DNAH8: variants seen among roughly 807,000 people sequenced by gnomAD.
DNAH8 encodes axonemal beta dynein heavy chain 8.
Under a neutral mutation model 562.1 loss-of-function variants are expected in DNAH8, and 382 were observed. The observed-to-expected ratio is 0.68, with a 90% CI of 0.63 to 0.74. The LOEUF is 0.74. Among genes scored for constraint, DNAH8 ranks in the 30% least tolerant of loss-of-function variants. The probability of loss-of-function intolerance (pLI) is 0.00; values close to 1 mark genes in which losing one functional copy is unlikely to be tolerated. For synonymous variants in DNAH8, 1,881 were observed against 1,919.4 expected (o/e 0.98, Z 0.52); for missense variants, 5,203 against 5,620.4 (o/e 0.93, Z 2.37).
At chr6:38,918,279 T>C in intron 70 of DNAH8, 139 bp downstream of exon 70, 1 of 592,978 alleles carries the variant, frequency 1.7e-6, no homozygotes, top group Non-Finnish European at 2.9e-6. Flanking sequence ...TTTTTCTCTA[T>C]GTCCTCTCAA....
In DNAH8 at chr6:38,949,521, G is replaced by A. The variant is rs778557111; in HGVS notation, c.12199G>A (p.Asp4067Asn). 23 of 1,613,286 alleles carry A rather than the reference G, an allele frequency of 1.4e-5. No individual in the cohort carries two copies. Among genetic ancestry groups the A allele is most frequent in the Non-Finnish European group, 1.9e-5 (22 of 1,179,344 alleles). The change falls in exon 81 of 93, where the codon GAT becomes AAT. Residue 4067 changes from aspartate (D) to asparagine (N), a missense_variant. Asp to Asn is a conservative substitution (Grantham distance 23). Around this residue, in one of 6 missense-constraint regions of DNAH8, gnomAD observed 1,399 missense variants for 1,518.4 expected, o/e 0.92. Coordinates refer to ENST00000327475, the MANE Select transcript of DNAH8 (RefSeq NM_001206927.2). The part of the protein sequence containing the change: ...KDAPEEEIIP[D>N]GYNDSLDTCH... ...TGCTCCAGAGGAGGAAATTATCCCT[G>A]ATGGATATAATGATTCACTAGATAC...
At chr6:38,740,492 A>T (rs1368156235) in intron 7 of DNAH8, among the ~76,000 whole-genome samples, 1 of 152,180 alleles carries the variant, frequency 6.6e-6, no homozygotes, top group African/African-American at 2.4e-5. Context: ...TGGAAATTAA[A>T]TTTTCAGATT....
intron 67 of DNAH8, among the ~76,000 whole-genome samples, chr6:38,914,282 A>G (rs1781123300): frequency 6.8e-6 from 1 of 147,878 alleles, no homozygotes; most frequent in South Asian, 2.2e-4. Flanking sequence ...GGTTTCTGGG[A>G]TGGCCCAAAT....
At chr6:38,916,664 C>T (rs139198679) in intron 68 of DNAH8, among the ~76,000 whole-genome samples, 2 of 152,222 alleles carry the variant, frequency 1.3e-5, no homozygotes, top group East Asian at 1.9e-4. Flanking sequence ...ATCACCGAAC[C>T]GAAGGAGTCT....
chr6:38,937,021 A>AT (rs1438767880), intron 77 of DNAH8, among the ~76,000 whole-genome samples: 1 of 152,170 alleles, frequency 6.6e-6, no homozygotes. Context: ...AAAAACAATA[A>AT]TAAAAAAAAA....
chr6:38,928,712 C>T (rs1354759334), intron 74 of DNAH8, among the ~76,000 whole-genome samples: 3 of 152,056 alleles, frequency 2.0e-5, no homozygotes, highest in African/African-American at 7.2e-5. Context: ...GGTCTGCACC[C>T]ACAATAGCCT....
chr6:38,831,805 A>G (rs1012380689), intron 30 of DNAH8, among the ~76,000 whole-genome samples: 7 of 152,238 alleles, frequency 4.6e-5, no homozygotes, highest in Non-Finnish European at 7.3e-5. Flanking sequence ...AAGAGTTAAC[A>G]TATATAAAGA....
chr6:39,013,226 A>G (rs989451566), intron 91 of DNAH8, among the ~76,000 whole-genome samples: 4 of 152,242 alleles, frequency 2.6e-5, no homozygotes, highest in Non-Finnish European at 4.4e-5. Context: ...GTTCAGAAAC[A>G]TGACACATTT....
rs1487015343 is a variant in DNAH8, at chr6:38,954,531, C to T, written c.12451+3011C>T. Among the ~76,000 whole-genome samples the T allele has an allele frequency of 1.1e-3, 7 of 6,294 alleles. 3 individuals are homozygous for T. Among genetic ancestry groups the T allele is most frequent in the African/African-American group, 5.6e-3 (4 of 712 alleles). 4.1% of individuals were successfully genotyped at this position (6,294 alleles called of 152,430 possible). A position where few individuals can be genotyped will look rare whatever the true frequency, so the allele number is the denominator to read the frequency against. ...CATCCTGGCTAACACGGTGAAACCC[C>T]GTCTCTACTAAAAATACAAAAATTA... On this transcript the variant is annotated intron_variant, in intron 82 of 92. Transcript: ENST00000327475.
intron 40 of DNAH8, 74 bp from the exon 41 acceptor site, chr6:38,853,111 AT>A: frequency 1.7e-6 from 2 of 1,147,566 alleles, no homozygotes; most frequent in South Asian, 3.0e-5. Context: ...ACTATGATTT[AT>A]TAAGTGTGCA....
chr6:38,844,329 T>C (rs2150375226), intron 35 of DNAH8, among the ~76,000 whole-genome samples: 1 of 152,298 alleles, frequency 6.6e-6, no homozygotes, highest in South Asian at 2.1e-4. Context: ...GCTTTTTTAC[T>C]TACTTTAAAA....
chr6:38,796,664 T>C (rs1404534332), intron 21 of DNAH8, among the ~76,000 whole-genome samples: 3 of 152,162 alleles, frequency 2.0e-5, no homozygotes, highest in Non-Finnish European at 4.4e-5. Context: ...TTCGTTCTGA[T>C]TACCGGTGCA....
intron 49 of DNAH8, 119 bp from the exon 50 acceptor site, chr6:38,872,417 T>C (rs1777539396): frequency 1.8e-6 from 2 of 1,108,606 alleles, no homozygotes; most frequent in Admixed American, 2.5e-5. Context: ...AACTTAAAAA[T>C]AGTGAACTAG....
chr6:38,750,562 G>A lies in DNAH8; in HGVS notation c.1380G>A (p.Val460=), dbSNP rs1562645732. The A allele has an allele frequency of 5.6e-6, 9 of 1,609,344 alleles. No homozygotes were observed. Among genetic ancestry groups the A allele is most frequent in the East Asian group, 2.2e-5 (1 of 44,752 alleles). The part of the protein sequence containing the change: ...NVRYLYTLEK[V]CQPLYNHDLV... Reference sequence around the variant, plus strand: ...GATATTTGTATACTTTGGAAAAAGTGTGTCAACCTCTCTATAACCATGACC... The same window carrying A: ...GATATTTGTATACTTTGGAAAAAGTATGTCAACCTCTCTATAACCATGACC... The change falls in exon 9 of 93, where the codon GTG becomes GTA. Residue 460 remains valine, a synonymous_variant. Coordinates refer to ENST00000327475, the MANE Select transcript of DNAH8 (RefSeq NM_001206927.2).
intron 53 of DNAH8, among the ~76,000 whole-genome samples, chr6:38,879,714 G>A (rs1368202489): frequency 7.0e-6 from 1 of 142,366 alleles, no homozygotes; most frequent in Admixed American, 7.1e-5. Flanking sequence ...AGAGGTTCTA[G>A]CCAGTGCAGT....
intron 5 of DNAH8, among the ~76,000 whole-genome samples, chr6:38,736,062 C>T (rs544628178): frequency 9.2e-5 from 14 of 152,100 alleles, no homozygotes; most frequent in African/African-American, 3.4e-4. Flanking sequence ...TGCTTGAGTC[C>T]CCAAGGCAGA....
chr6:38,742,074 G>A lies in DNAH8; in HGVS notation c.1293+187G>A, dbSNP rs556295201. Among the ~76,000 whole-genome samples the A allele has an allele frequency of 6.1e-4, 93 of 152,188 alleles. 1 individual carries two copies. The highest frequency in any genetic ancestry group is 1.2e-3 in the Non-Finnish European group (81 of 68,020). On this transcript the variant is annotated intron_variant, in intron 8 of 92. Coordinates refer to ENST00000327475, the MANE Select transcript of DNAH8 (RefSeq NM_001206927.2). ...ATGAAGATTTATTTCTCAGGATTTC[G>A]CAGACCAATTTTGACCATACTACTA...
chr6:38,909,716 T>C lies in DNAH8; in HGVS notation c.9712T>C (p.Ser3238Pro). ...ETMGLFHDMV[S>P]ESCESYFQRY... ...AATGGGCCTGTTTCATGACATGGTTTCAGAGAGCTGTGAAAGTTATTTCCA... is the reference window on the plus strand; with the variant it reads ...AATGGGCCTGTTTCATGACATGGTTCCAGAGAGCTGTGAAAGTTATTTCCA... The change falls in exon 65 of 93, where the codon TCA becomes CCA. Residue 3238 changes from serine (S) to proline (P), a missense_variant. This residue lies in a region of DNAH8 where 977 missense variants were observed against 1,061.8 expected (regional missense o/e 0.92). Coordinates refer to ENST00000327475, the MANE Select transcript of DNAH8 (RefSeq NM_001206927.2). The C allele has an allele frequency of 1.9e-6, 3 of 1,614,124 alleles. No homozygotes were observed. Among genetic ancestry groups the C allele is most frequent in the Non-Finnish European group, 2.5e-6 (3 of 1,179,970 alleles).
At chr6:38,793,327 G>A (rs1276778902) in intron 21 of DNAH8, among the ~76,000 whole-genome samples, 2 of 152,030 alleles carry the variant, frequency 1.3e-5, no homozygotes, top group Admixed American at 1.3e-4. Flanking sequence ...GAGATGACCC[G>A]TTTTAACATC....
Sources: gnomAD v4.1 joint callset for allele counts (sites outside exome capture counted in the v4.1 genomes callset) on GRCh38, gnomAD v4.1.1 for gene constraint, gnomAD v4.1.1 regional missense constraint, MANE v1.5 for transcripts, NCBI Gene and HGNC (gene_info 2026-07-23, HGNC 2026-07-21) for gene names.